The following ROBO2 variants were observed in gnomAD, a reference collection of about 807,000 sequenced individuals.
ROBO2 encodes the protein roundabout guidance receptor 2.
Under a neutral mutation model 160.8 loss-of-function variants are expected in ROBO2, and 53 were observed. That is an observed-to-expected ratio of 0.33 (90% CI 0.26 to 0.41). ROBO2 has a LOEUF of 0.41. Ranked by LOEUF, ROBO2 falls within the 10% of genes least tolerant of loss-of-function variation. The pLI, the probability that ROBO2 is intolerant of heterozygous loss-of-function variation, is 1.00. For synonymous variants in ROBO2, 664 were observed against 611.7 expected, an observed-to-expected ratio of 1.09 and a Z score of -1.26; for missense variants, 1,577 against 1,722.4, an observed-to-expected ratio of 0.92 and a Z score of 1.49.
In ROBO2 at chr3:75,966,426, T is replaced by G. The variant is rs532818235; in HGVS notation, c.109+28824T>G. ...TTTAGATCAACAGTTTTCTCTTTAA[T>G]GCTTTTATCAATTTAATGCTGGCCT... On this transcript the variant is annotated intron_variant, in intron 2 of 26. Transcript: ENST00000487694. Among the ~76,000 whole-genome samples, 3 of 151,914 alleles carry G rather than the reference T, an allele frequency of 2.0e-5. No individual in the cohort carries two copies. In the East Asian group the frequency reaches 5.9e-4, roughly 30 times the overall value.
rs570429226 is a variant in ROBO2, at chr3:77,347,924, A to T, written c.389-129490A>T. 2.0e-5 allele frequency among the ~76,000 whole-genome samples: 3 copies of T among 152,158 alleles called. No individual in the cohort carries two copies. In the South Asian group the frequency reaches 6.2e-4, roughly 32 times the overall value. On this transcript the variant is annotated intron_variant, in intron 2 of 25. Transcript: ENST00000461745. ...AAAGTACTTTCTAGGTGATCTCATC[A>T]TTTCTCATGGATTTCACTACCGTCT...
intron 13 of ROBO2, among the ~76,000 whole-genome samples, chr3:77,571,815 A>G (rs1279808179): frequency 6.6e-6 from 1 of 151,920 alleles, no homozygotes; most frequent in Non-Finnish European, 1.5e-5. Flanking sequence ...GGTAGAACAC[A>G]CATCCAGTAA....
chr3:76,662,042 G>T (rs2091844072), intron 2 of ROBO2, among the ~76,000 whole-genome samples: 1 of 152,136 alleles, frequency 6.6e-6, no homozygotes. Context: ...TCATTTTAAT[G>T]TTAACGCTAG....
At chr3:76,451,111 C>A (rs776211348) in intron 2 of ROBO2, among the ~76,000 whole-genome samples, 2 of 152,128 alleles carry the variant, frequency 1.3e-5, no homozygotes, top group Non-Finnish European at 2.9e-5. Flanking sequence ...TAACACAAAG[C>A]TCTTCAGTGC....
intron 2 of ROBO2, among the ~76,000 whole-genome samples, chr3:76,217,744 C>G (rs1209824213): frequency 6.6e-6 from 1 of 152,146 alleles, no homozygotes; most frequent in African/African-American, 2.4e-5. Context: ...CAAGGAGGAA[C>G]TGGTACCATT....
At chr3:76,050,131 A>C (rs1246380365) in intron 2 of ROBO2, among the ~76,000 whole-genome samples, 3 of 152,162 alleles carry the variant, frequency 2.0e-5, no homozygotes, top group South Asian at 4.1e-4. Context: ...TTAGTGGACT[A>C]GGAGACATAG....
chr3:76,858,770 T>A (rs551473641), intron 2 of ROBO2, among the ~76,000 whole-genome samples: 5 of 152,260 alleles, frequency 3.3e-5, no homozygotes, highest in African/African-American at 9.6e-5. Flanking sequence ...AGACAATGAA[T>A]TGAAGCTGTC....
intron 2 of ROBO2, among the ~76,000 whole-genome samples, chr3:76,640,929 C>T (rs1424837694): frequency 6.6e-6 from 1 of 152,198 alleles, no homozygotes; most frequent in African/African-American, 2.4e-5. Flanking sequence ...AAAATGAATA[C>T]TACTGCTGGA....
intron 23 of ROBO2, chr3:77,632,451 T>C: frequency 5.9e-6 from 9 of 1,512,706 alleles, no homozygotes; most frequent in African/African-American, 1.4e-5. Flanking sequence ...TACAACTCAC[T>C]AGACAACTAC....
intron 2 of ROBO2, among the ~76,000 whole-genome samples, chr3:76,507,653 T>C (rs1306347282): frequency 2.0e-5 from 3 of 152,102 alleles, no homozygotes; most frequent in African/African-American, 4.8e-5. Context: ...TTAACTGATA[T>C]AATCCTCACA....
intron 2 of ROBO2, among the ~76,000 whole-genome samples, chr3:76,680,144 G>A (rs944561116): frequency 8.6e-5 from 13 of 151,948 alleles, no homozygotes; most frequent in Non-Finnish European, 1.3e-4. Flanking sequence ...AATTCTTTAC[G>A]TGAAACAAAT....
At chr3:77,031,890 C>T (rs1000909271) in intron 2 of ROBO2, among the ~76,000 whole-genome samples, 1 of 151,942 alleles carries the variant, frequency 6.6e-6, no homozygotes, top group Non-Finnish European at 1.5e-5. Context: ...TTATTTTTCA[C>T]TGTTCTGGAA....
chr3:76,725,691 A>T (rs1040526941), intron 2 of ROBO2, among the ~76,000 whole-genome samples: 1 of 152,158 alleles, frequency 6.6e-6, no homozygotes, highest in African/African-American at 2.4e-5. Context: ...CCTTTGGAGC[A>T]GCCAAAGTTC....
At chr3:77,547,997 A>C (rs2092766764) in intron 7 of ROBO2, among the ~76,000 whole-genome samples, 2 of 151,598 alleles carry the variant, frequency 1.3e-5, no homozygotes, top group Non-Finnish European at 3.0e-5. Context: ...GCAGAGACAG[A>C]CACACATATA....
intron 2 of ROBO2, among the ~76,000 whole-genome samples, chr3:76,884,444 T>A (rs757619730): frequency 6.6e-6 from 1 of 152,178 alleles, no homozygotes; most frequent in Non-Finnish European, 1.5e-5. Flanking sequence ...GAAATGGTAC[T>A]GTAGAGCAGC....
chr3:76,952,745 A>C (rs2149186800), intron 2 of ROBO2, among the ~76,000 whole-genome samples: 1 of 152,188 alleles, frequency 6.6e-6, no homozygotes, highest in East Asian at 1.9e-4. Flanking sequence ...AATACTAAAT[A>C]ATGATACAAT....
chr3:77,173,438 G>T (rs1017441078), intron 2 of ROBO2, among the ~76,000 whole-genome samples: 1 of 151,924 alleles, frequency 6.6e-6, no homozygotes, highest in African/African-American at 2.4e-5. Context: ...TGTTATGTTG[G>T]TGTTCTTTGA....
At chr3:76,901,568 CAA>C (rs34372046) in intron 2 of ROBO2, among the ~76,000 whole-genome samples, 142 of 75,852 alleles carry the variant, frequency 1.9e-3, no homozygotes, top group East Asian at 0.013. Flanking sequence ...AATTTCATCT[CAA>C]AAAAAAAAAA....
intron 2 of ROBO2, among the ~76,000 whole-genome samples, chr3:76,631,000 G>A (rs1439552589): frequency 6.6e-6 from 1 of 152,142 alleles, no homozygotes; most frequent in Non-Finnish European, 1.5e-5. Flanking sequence ...GAGTGCATGT[G>A]TGCTGGGCTG....
Sources: gnomAD v4.1 joint callset for allele counts (sites outside exome capture counted in the v4.1 genomes callset) on GRCh38, gnomAD v4.1.1 for gene constraint, MANE v1.5 for transcripts, NCBI Gene and HGNC (gene_info 2026-07-23, HGNC 2026-07-21) for gene names.